The following NFIX variants were observed in gnomAD, a reference collection of about 807,000 sequenced individuals.
The protein encoded by NFIX is nuclear factor I X.
In NFIX, 2 loss-of-function variants were observed where a neutral mutation model predicts 53.3. The observed-to-expected ratio is 0.04, with a 90% CI of 0.02 to 0.12. The LOEUF (loss-of-function observed/expected upper bound fraction) is 0.12, where lower values mean the gene tolerates loss of function less well. Ranked by LOEUF, NFIX falls within the 10% of genes least tolerant of loss-of-function variation. NFIX has a pLI of 1.00. For synonymous variants in NFIX, 244 were observed against 289.0 expected, an observed-to-expected ratio of 0.84 and a Z score of 1.58; for missense variants, 310 against 674.5, an observed-to-expected ratio of 0.46 and a Z score of 5.99.
chr19:13,073,188 C>A lies in NFIX; in HGVS notation c.622+79C>A. Reference sequence around the variant, plus strand: ...CTTCCCCCACCCTGGCTGCCCTGGCCACCCTCACTTCTTCCCCTTCATTCA... The same window carrying A: ...CTTCCCCCACCCTGGCTGCCCTGGCAACCCTCACTTCTTCCCCTTCATTCA... On this transcript the variant is annotated intron_variant, in intron 3 of 10. Coordinates refer to ENST00000592199, the MANE Select transcript of NFIX (RefSeq NM_001365902.3). The surrounding 1 kb of genome is among the most constrained non-coding windows in gnomAD (Gnocchi z 4.5). 1 of 1,362,332 alleles carries A rather than the reference C, an allele frequency of 7.3e-7. No homozygotes were observed. The highest frequency in any genetic ancestry group is 1.2e-5 in the South Asian group (1 of 85,768). 84.4% of individuals were successfully genotyped at this position (1,362,332 alleles called of 1,614,324 possible).
In NFIX at chr19:13,025,384, C is replaced by T; in HGVS notation, c.391C>T (p.Leu131=). The T allele has an allele frequency of 6.2e-7, 1 of 1,614,068 alleles. No homozygotes were observed. The highest frequency in any genetic ancestry group is 8.5e-7 in the Non-Finnish European group (1 of 1,179,924). ...GGCTGACAAGGTGTGGCGGCTGGACCTGGTCATGGTGATTTTGTTTAAGGG... is the reference window on the plus strand; with the variant it reads ...GGCTGACAAGGTGTGGCGGCTGGACTTGGTCATGGTGATTTTGTTTAAGGG... ...RQADKVWRLD[L]VMVILFKGIP... Residue 131 remains leucine, a synonymous_variant, in exon 2 of 11, where the codon CTG becomes TTG. Transcript: ENST00000592199. This position sits in a 1 kb window ranked among gnomAD's most constrained non-coding sequence, Gnocchi z 7.5.
In NFIX at chr19:13,025,954, G is replaced by T. The variant is rs909572380; in HGVS notation, c.559+402G>T. Among the ~76,000 whole-genome samples the T allele has an allele frequency of 6.6e-6, 1 of 152,180 alleles. No homozygotes were observed. The highest frequency in any genetic ancestry group is 1.5e-5 in the Non-Finnish European group (1 of 68,038). On this transcript the variant is annotated intron_variant, in intron 2 of 10. Transcript: ENST00000592199. The surrounding 1 kb of genome is among the most constrained non-coding windows in gnomAD (Gnocchi z 7.5). The stretch of plus-strand genomic sequence containing the variant: ...AATGAGTCAGAAGAAGTATTGAGGG[G>T]CAGGTGCTAGTTTTACTGCAGCTTC...
intron 1 of NFIX, among the ~76,000 whole-genome samples, chr19:13,000,132 C>T (rs1031656422): frequency 6.6e-6 from 1 of 152,174 alleles, no homozygotes. Flanking sequence ...TAGGCTTTGC[C>T]GTCAGACAGA....
rs1312492702 is a variant in NFIX, at chr19:13,037,960, G to A, written c.559+12408G>A. 6.6e-6 allele frequency among the ~76,000 whole-genome samples: 1 copy of A among 152,178 alleles called. No homozygotes were observed. The highest frequency in any genetic ancestry group is 2.4e-5 in the African/African-American group (1 of 41,438). Reference sequence around the variant, plus strand: ...GGAGAATAAGCAGACCCTGCTGTGCGTGGTCTCTCCTCAGGACGCCTCTTG... The same window carrying A: ...GGAGAATAAGCAGACCCTGCTGTGCATGGTCTCTCCTCAGGACGCCTCTTG... On this transcript the variant is annotated intron_variant, in intron 2 of 10. Coordinates refer to ENST00000592199, the MANE Select transcript of NFIX (RefSeq NM_001365902.3). This position sits in a 1 kb window ranked among gnomAD's most constrained non-coding sequence, Gnocchi z 4.2.
At position 13,012,450 on chromosome 19, in the gene NFIX, C is replaced by T. The variant is rs960025411; in HGVS notation, c.28-12571C>T. 3.3e-5 allele frequency among the ~76,000 whole-genome samples: 5 copies of T among 151,388 alleles called. No individual in the cohort carries two copies. Among genetic ancestry groups the T allele is most frequent in the Non-Finnish European group, 7.4e-5 (5 of 67,796 alleles). On this transcript the variant is annotated intron_variant, in intron 1 of 10. Transcript: ENST00000592199. The surrounding 1 kb of genome is among the most constrained non-coding windows in gnomAD (Gnocchi z 5.0). Reference sequence around the variant, plus strand: ...GGCCTGCCCCTCACAGTGACCCCCCCGACCCACCCCCCAAAAAGTGACCCC... The same window carrying T: ...GGCCTGCCCCTCACAGTGACCCCCCTGACCCACCCCCCAAAAAGTGACCCC...
In NFIX at chr19:13,073,304, G is replaced by T; in HGVS notation, c.623-118G>T. The T allele has an allele frequency of 9.8e-7, 1 of 1,016,596 alleles. No homozygotes were observed. The highest frequency in any genetic ancestry group is 1.6e-6 in the Non-Finnish European group (1 of 639,550). 63.0% of individuals were successfully genotyped at this position (1,016,596 alleles called of 1,614,324 possible). A position where few individuals can be genotyped will look rare whatever the true frequency, so the allele number is the denominator to read the frequency against. ...CTGTTCGGTGTAGACCTGAGGGCTA[G>T]CCTGGAGCTGGAAACGGGACTTGGG... On this transcript the variant is annotated intron_variant, in intron 3 of 10. Coordinates refer to ENST00000592199, the MANE Select transcript of NFIX (RefSeq NM_001365902.3). The surrounding 1 kb of genome is among the most constrained non-coding windows in gnomAD (Gnocchi z 4.5).
Position 12,996,867 on chromosome 19 carries a change from G to T in NFIX, c.27+1003G>T, listed in dbSNP as rs1458002247. Among the ~76,000 whole-genome samples the T allele has an allele frequency of 6.6e-6, 1 of 152,290 alleles. No homozygotes were observed. Among genetic ancestry groups the T allele is most frequent in the Non-Finnish European group, 1.5e-5 (1 of 68,054 alleles). ...CGGCTGCGGCAAAAGCTTCGAGGAT[G>T]CCTGTCGGGCCACCCAACTCTCCCT... On this transcript the variant is annotated intron_variant, in intron 1 of 10. Transcript: ENST00000592199. The surrounding 1 kb of genome is among the most constrained non-coding windows in gnomAD (Gnocchi z 5.2).
rs550816938 is a variant in NFIX, at chr19:12,996,068, C to T, written c.27+204C>T. On this transcript the variant is annotated intron_variant, in intron 1 of 10. Transcript: ENST00000592199. The surrounding 1 kb of genome is among the most constrained non-coding windows in gnomAD (Gnocchi z 5.2). ...CGTGCGACCCTGGCCACCGGGCGGA[C>T]TCCTTTTGGGGGTTCCGGGGGTGGC... Among the ~76,000 whole-genome samples, 13 of 151,650 alleles carry T rather than the reference C, an allele frequency of 8.6e-5. No homozygotes were observed. The highest frequency in any genetic ancestry group is 7.9e-4 in the Admixed American group (12 of 15,260).
Position 13,094,593 on chromosome 19 carries a change from C to T in NFIX, c.1495-42C>T. The T allele has an allele frequency of 6.5e-7, 1 of 1,535,310 alleles. No individual in the cohort carries two copies. Among genetic ancestry groups the T allele is most frequent in the Non-Finnish European group, 8.7e-7 (1 of 1,146,288 alleles). On this transcript the variant is annotated intron_variant, in intron 10 of 10. Transcript: ENST00000592199. This position sits in a 1 kb window ranked among gnomAD's most constrained non-coding sequence, Gnocchi z 4.3. ...CAGGTAGGAGTGAGATGGGACCTGC[C>T]CCAGCTGTTCTCAGTATCGCCTCTT... is the stretch of plus-strand genomic sequence containing the variant.
intron 2 of NFIX, among the ~76,000 whole-genome samples, chr19:13,042,065 T>G (rs1417888935): frequency 9.4e-3 from 9 of 956 alleles, no homozygotes; most frequent in African/African-American, 0.013. Context: ...ACCTGGCTAA[T>G]TTTTTTTTTT....
chr19:13,054,788 G>A (rs1162162038), intron 2 of NFIX, among the ~76,000 whole-genome samples: 1 of 152,048 alleles, frequency 6.6e-6, no homozygotes, highest in Non-Finnish European at 1.5e-5. Context: ...GGGGGTAGGG[G>A]GACCAAGGAG....
Position 13,073,889 on chromosome 19 carries a change from C to G in NFIX, c.698-17C>G. 6.2e-7 allele frequency: 1 copy of G among 1,613,928 alleles called. No homozygotes were observed. Among genetic ancestry groups the G allele is most frequent in the Non-Finnish European group, 8.5e-7 (1 of 1,179,862 alleles). Reference sequence around the variant, plus strand: ...TCCCCCCACCTCCAAACCTCATCACCCTCTCGTTCTTCCCAGCTCCTGTTG... The same window carrying G: ...TCCCCCCACCTCCAAACCTCATCACGCTCTCGTTCTTCCCAGCTCCTGTTG... On this transcript the variant is annotated splice_polypyrimidine_tract_variant and intron_variant, in intron 4 of 10. Coordinates refer to ENST00000592199, the MANE Select transcript of NFIX (RefSeq NM_001365902.3). This position sits in a 1 kb window ranked among gnomAD's most constrained non-coding sequence, Gnocchi z 4.5.
intron 8 of NFIX, among the ~76,000 whole-genome samples, chr19:13,086,880 G>A (rs1188800405): frequency 6.6e-6 from 1 of 152,248 alleles, no homozygotes; most frequent in African/African-American, 2.4e-5. Flanking sequence ...ACTGGCTGGA[G>A]ACATCAAGGG....
At chr19:13,050,560 T>C (rs892213300) in intron 2 of NFIX, among the ~76,000 whole-genome samples, 2 of 152,108 alleles carry the variant, frequency 1.3e-5, no homozygotes, top group Admixed American at 6.5e-5. Context: ...CATGTGGAAT[T>C]AACTTTAAGG....
In NFIX at chr19:13,037,158, T is replaced by C. The variant is rs937718974; in HGVS notation, c.559+11606T>C. The stretch of plus-strand genomic sequence containing the variant: ...ATCTTTAGGGGGTCTCAAGTCCCCT[T>C]TCCTGTGTGTAGCAGATTCTGCCAG... On this transcript the variant is annotated intron_variant, in intron 2 of 10. Coordinates refer to ENST00000592199, the MANE Select transcript of NFIX (RefSeq NM_001365902.3). This position sits in a 1 kb window ranked among gnomAD's most constrained non-coding sequence, Gnocchi z 4.2. Among the ~76,000 whole-genome samples, 4 of 152,148 alleles carry C rather than the reference T, an allele frequency of 2.6e-5. No individual in the cohort carries two copies. The highest frequency in any genetic ancestry group is 9.7e-5 in the African/African-American group (4 of 41,414).
intron 1 of NFIX, among the ~76,000 whole-genome samples, chr19:12,999,319 C>T (rs978181976): frequency 7.9e-5 from 12 of 151,770 alleles, no homozygotes; most frequent in Non-Finnish European, 1.8e-4. Context: ...ATTACAGGTG[C>T]CCGCCACCAC....
chr19:13,009,448 G>T lies in NFIX; in HGVS notation c.27+13584G>T, dbSNP rs1191574471. Among the ~76,000 whole-genome samples, 2 of 152,152 alleles carry T rather than the reference G, an allele frequency of 1.3e-5. No individual in the cohort carries two copies. Among genetic ancestry groups the T allele is most frequent in the African/African-American group, 4.8e-5 (2 of 41,440 alleles). On this transcript the variant is annotated intron_variant, in intron 1 of 10. Transcript: ENST00000592199. The surrounding 1 kb of genome is among the most constrained non-coding windows in gnomAD (Gnocchi z 4.7). Reference sequence around the variant, plus strand: ...AAGGTCATGGGGCTAGAAGCAGGGTGGTGGGGATTACCCAGCCAGATTCCC... The same window carrying T: ...AAGGTCATGGGGCTAGAAGCAGGGTTGTGGGGATTACCCAGCCAGATTCCC...
In NFIX at chr19:13,073,165, T is replaced by C; in HGVS notation, c.622+56T>C. The C allele has an allele frequency of 6.4e-7, 1 of 1,551,876 alleles. No homozygotes were observed. The highest frequency in any genetic ancestry group is 1.1e-5 in the South Asian group (1 of 89,890). ...TATCCTTCATGCCCCTCCACTTCCT[T>C]CCCCCACCCTGGCTGCCCTGGCCAC... is the stretch of plus-strand genomic sequence containing the variant. On this transcript the variant is annotated intron_variant, in intron 3 of 10. Coordinates refer to ENST00000592199, the MANE Select transcript of NFIX (RefSeq NM_001365902.3). The surrounding 1 kb of genome is among the most constrained non-coding windows in gnomAD (Gnocchi z 4.5).
intron 8 of NFIX, among the ~76,000 whole-genome samples, chr19:13,084,401 G>A (rs1402176854): frequency 2.0e-5 from 3 of 152,044 alleles, no homozygotes; most frequent in East Asian, 1.9e-4. Context: ...CCAAGATTGC[G>A]CCACTGCACT....
Sources: gnomAD v4.1 joint callset for allele counts (sites outside exome capture counted in the v4.1 genomes callset) on GRCh38, gnomAD v4.1.1 for gene constraint, Gnocchi (gnomAD v3.1) non-coding constraint, MANE v1.5 for transcripts, NCBI Gene and HGNC (gene_info 2026-07-23, HGNC 2026-07-21) for gene names.